Variants in CTNNA3 observed in about 807,000 individuals in gnomAD.
CTNNA3 encodes the protein catenin alpha-3.
Under a neutral mutation model 95.7 loss-of-function variants are expected in CTNNA3, and 76 were observed. The observed-to-expected ratio is 0.79, with a 90% CI of 0.66 to 0.96. The LOEUF is 0.96. Among genes scored for constraint, CTNNA3 ranks in the 40% least tolerant of loss-of-function variants. The probability of loss-of-function intolerance (pLI) is 0.00; values close to 1 mark genes in which losing one functional copy is unlikely to be tolerated. For synonymous variants in CTNNA3, 431 were observed against 374.4 expected (o/e 1.15, Z -1.74); for missense variants, 1,191 against 1,089.8 (o/e 1.09, Z -1.31).
At chr10:66,698,256 T>C (rs1001953403) in intron 9 of CTNNA3, among the ~76,000 whole-genome samples, 1 of 152,196 alleles carries the variant, frequency 6.6e-6, no homozygotes, top group African/African-American at 2.4e-5. Context: ...CCATATCTGG[T>C]GAAGCATTTT....
At chr10:66,302,328 A>C (rs2091873750) in intron 12 of CTNNA3, among the ~76,000 whole-genome samples, 1 of 152,064 alleles carries the variant, frequency 6.6e-6, no homozygotes, top group African/African-American at 2.4e-5. Flanking sequence ...AATTGACCCT[A>C]AACTTAACAG....
chr10:66,462,946 A>G (rs1040067156), intron 11 of CTNNA3, among the ~76,000 whole-genome samples: 36 of 152,198 alleles, frequency 2.4e-4, no homozygotes, highest in African/African-American at 8.2e-4. Context: ...CTAAAATTAA[A>G]GTTCAAAATG....
At chr10:66,891,526 A>C (rs930434099) in intron 7 of CTNNA3, among the ~76,000 whole-genome samples, 2 of 152,198 alleles carry the variant, frequency 1.3e-5, no homozygotes, top group Non-Finnish European at 2.9e-5. Context: ...TGTAAGGATA[A>C]TCAGTCAATT....
intron 7 of CTNNA3, among the ~76,000 whole-genome samples, chr10:67,039,027 A>G (rs183087379): frequency 5.0e-4 from 76 of 152,234 alleles, no homozygotes; most frequent in Admixed American, 8.5e-4. Context: ...AATTCGTGTT[A>G]GAAAGGACTT....
Position 65,988,479 on chromosome 10 carries a change from A to G in CTNNA3, c.2265+213T>C, listed in dbSNP as rs535470416. On this transcript the variant is annotated intron_variant, in intron 16 of 17. Transcript: ENST00000433211. ...AGCTGATACTAGAAATAATTTGAGT[A>G]TGTTTTAAGCTAAAAATATCTGCCC... Among the ~76,000 whole-genome samples, 438 of 152,318 alleles carry G rather than the reference A, an allele frequency of 2.9e-3. 3 individuals are homozygous for G. The highest frequency in any genetic ancestry group is 9.0e-3 in the African/African-American group (375 of 41,578).
chr10:67,671,619 T>C (rs1431046857), intron 1 of CTNNA3, among the ~76,000 whole-genome samples: 3 of 151,822 alleles, frequency 2.0e-5, no homozygotes, highest in Admixed American at 1.3e-4. Flanking sequence ...GTTTGGTTTT[T>C]TGTCCTTGCG....
intron 9 of CTNNA3, among the ~76,000 whole-genome samples, chr10:66,637,017 C>A (rs1845359797): frequency 6.6e-6 from 1 of 152,060 alleles, no homozygotes; most frequent in Admixed American, 6.6e-5. Flanking sequence ...TAAAGAAAGA[C>A]AATTTCTATA....
At chr10:65,980,429 T>C (rs558621706) in intron 16 of CTNNA3, among the ~76,000 whole-genome samples, 26 of 151,752 alleles carry the variant, frequency 1.7e-4, no homozygotes, top group South Asian at 4.1e-4. Context: ...ACCAATCCGA[T>C]TGACATTATT....
At chr10:66,204,009 G>T (rs1349782370) in intron 13 of CTNNA3, among the ~76,000 whole-genome samples, 1 of 151,976 alleles carries the variant, frequency 6.6e-6, no homozygotes, top group Non-Finnish European at 1.5e-5. Flanking sequence ...TTGGAGGTAG[G>T]ACTATGATCA....
intron 7 of CTNNA3, among the ~76,000 whole-genome samples, chr10:66,961,623 T>C (rs1426258818): frequency 6.6e-6 from 1 of 152,144 alleles, no homozygotes; most frequent in African/African-American, 2.4e-5. Flanking sequence ...ACTACTGATA[T>C]AGACAAATCA....
At chr10:66,096,930 A>T (rs2081416209) in intron 14 of CTNNA3, among the ~76,000 whole-genome samples, 2 of 151,914 alleles carry the variant, frequency 1.3e-5, no homozygotes, top group Non-Finnish European at 2.9e-5. Flanking sequence ...AGGAAGAAAA[A>T]CTCCCAGTGC....
chr10:67,421,630 C>T (rs560116538), intron 5 of CTNNA3, among the ~76,000 whole-genome samples: 2 of 152,234 alleles, frequency 1.3e-5, no homozygotes, highest in Non-Finnish European at 2.9e-5. Context: ...GTTTCTTGAA[C>T]AATAAATCTG....
chr10:66,858,870 G>A (rs1028101951), intron 7 of CTNNA3, among the ~76,000 whole-genome samples: 15 of 151,644 alleles, frequency 9.9e-5, no homozygotes, highest in East Asian at 3.9e-4. Context: ...GGTTTTTCAC[G>A]CCTCAATTTC....
chr10:66,577,403 G>C (rs1017018041), intron 10 of CTNNA3, among the ~76,000 whole-genome samples: 1 of 151,960 alleles, frequency 6.6e-6, no homozygotes, highest in Non-Finnish European at 1.5e-5. Flanking sequence ...TCTTTGCAAA[G>C]GCCCATGTCC....
intron 10 of CTNNA3, among the ~76,000 whole-genome samples, chr10:66,599,929 T>C (rs997267816): frequency 7.9e-5 from 12 of 151,928 alleles, no homozygotes; most frequent in Non-Finnish European, 1.5e-4. Flanking sequence ...GCTAAAGTCT[T>C]TGGGAAATGT....
At chr10:66,231,136 C>T (rs866577446) in intron 13 of CTNNA3, among the ~76,000 whole-genome samples, 2 of 152,126 alleles carry the variant, frequency 1.3e-5, no homozygotes, top group Non-Finnish European at 2.9e-5. Context: ...CTATACTTGA[C>T]TCAGCTCCTG....
intron 5 of CTNNA3, among the ~76,000 whole-genome samples, chr10:67,366,486 C>A (rs1025847826): frequency 6.6e-6 from 1 of 151,984 alleles, no homozygotes; most frequent in African/African-American, 2.4e-5. Context: ...ACTAAAAATA[C>A]AAAAATCAGC....
At chr10:67,511,830 T>G (rs1412915649) in intron 5 of CTNNA3, among the ~76,000 whole-genome samples, 1 of 152,174 alleles carries the variant, frequency 6.6e-6, no homozygotes, top group African/African-American at 2.4e-5. Context: ...GATCCTGGAC[T>G]TTTTTTGGTT....
chr10:66,042,482 A>G (rs562875262), intron 15 of CTNNA3, among the ~76,000 whole-genome samples: 1 of 152,290 alleles, frequency 6.6e-6, no homozygotes, highest in East Asian at 1.9e-4. Context: ...GAGAGATGGA[A>G]GAAGCAAGTA....
Sources: allele counts gnomAD v4.1 joint callset (sites outside exome capture counted in the v4.1 genomes callset), GRCh38; gene constraint gnomAD v4.1.1; transcripts MANE v1.5; gene names NCBI Gene and HGNC (gene_info 2026-07-23, HGNC 2026-07-21).